Variants in LRRTM4 observed in about 807,000 individuals in gnomAD.
LRRTM4 encodes leucine-rich repeat transmembrane neuronal protein 4.
In LRRTM4, 25 loss-of-function variants were observed where a neutral mutation model predicts 47.6. The ratio of observed to expected loss-of-function variants is 0.53; its 90% CI spans 0.38 to 0.73. LRRTM4 has a LOEUF of 0.73. Among genes scored for constraint, LRRTM4 ranks in the 30% least tolerant of loss-of-function variants. The pLI is 0.00. For missense variants in LRRTM4, 638 were observed against 713.4 expected, an observed-to-expected ratio of 0.89 and a Z score of 1.20; for synonymous variants, 311 against 269.5, an observed-to-expected ratio of 1.15 and a Z score of -1.51.
chr2:77,038,095 C>T (rs1256441007), intron 3 of LRRTM4, among the ~76,000 whole-genome samples: 2 of 151,570 alleles, frequency 1.3e-5, no homozygotes, highest in Non-Finnish European at 3.0e-5. Context: ...TCTTTTCTTC[C>T]TAAATATTTA....
At chr2:76,886,594 C>A (rs1460107103) in intron 3 of LRRTM4, among the ~76,000 whole-genome samples, 1 of 151,612 alleles carries the variant, frequency 6.6e-6, no homozygotes, top group Admixed American at 6.6e-5. Context: ...AAAATCCAAG[C>A]GAAGAAATTG....
chr2:76,798,266 C>T (rs1675462477), intron 3 of LRRTM4, among the ~76,000 whole-genome samples: 1 of 152,054 alleles, frequency 6.6e-6, no homozygotes, highest in African/African-American at 2.4e-5. Context: ...GACCACAGTG[C>T]AATTAAAATA....
intron 3 of LRRTM4, among the ~76,000 whole-genome samples, chr2:76,836,245 T>G (rs2103914259): frequency 6.6e-6 from 1 of 152,096 alleles, no homozygotes; most frequent in South Asian, 2.1e-4. Context: ...TTGGTTGGAC[T>G]TTGGCCCAAT....
At chr2:77,220,810 A>G (rs963328038) in intron 3 of LRRTM4, among the ~76,000 whole-genome samples, 12 of 152,236 alleles carry the variant, frequency 7.9e-5, no homozygotes, top group African/African-American at 2.9e-4. Context: ...AACTTCCCCA[A>G]TCTAGCAAGG....
chr2:77,032,531 AT>A (rs1332765518), intron 3 of LRRTM4, among the ~76,000 whole-genome samples: 2 of 152,216 alleles, frequency 1.3e-5, no homozygotes, highest in East Asian at 1.9e-4. Context: ...AGTTCAATAT[AT>A]TTTTTGAATA....
chr2:77,202,694 CT>C (rs1346275728), intron 3 of LRRTM4, among the ~76,000 whole-genome samples: 1 of 151,722 alleles, frequency 6.6e-6, no homozygotes, highest in Non-Finnish European at 1.5e-5. Flanking sequence ...GTTATGTCAG[CT>C]TTTTGTATAA....
chr2:76,930,983 C>T (rs573375536), intron 3 of LRRTM4, among the ~76,000 whole-genome samples: 45 of 152,218 alleles, frequency 3.0e-4, no homozygotes, highest in Non-Finnish European at 6.5e-4. Context: ...GTTTATAAAA[C>T]TGTGTCAGCA....
At chr2:76,931,102 T>C (rs1420396809) in intron 3 of LRRTM4, among the ~76,000 whole-genome samples, 1 of 151,938 alleles carries the variant, frequency 6.6e-6, no homozygotes, top group Admixed American at 6.6e-5. Context: ...CATGGGATTA[T>C]GGAACAAAAG....
intron 3 of LRRTM4, among the ~76,000 whole-genome samples, chr2:77,173,258 T>C (rs931647888): frequency 3.3e-5 from 5 of 152,198 alleles, no homozygotes; most frequent in African/African-American, 1.2e-4. Context: ...TACAAATTAA[T>C]ATTGTTGAGT....
chr2:76,929,952 TG>T (rs1397856548), intron 3 of LRRTM4, among the ~76,000 whole-genome samples: 2 of 148,758 alleles, frequency 1.3e-5, no homozygotes, highest in Non-Finnish European at 2.9e-5. Flanking sequence ...TGTGTGTGTG[TG>T]TGTGTGTTTT....
chr2:77,144,313 C>T (rs1672200431), intron 3 of LRRTM4, among the ~76,000 whole-genome samples: 1 of 152,020 alleles, frequency 6.6e-6, no homozygotes, highest in Admixed American at 6.6e-5. Flanking sequence ...TTGCTAACCA[C>T]ACTCTTCACG....
intron 3 of LRRTM4, among the ~76,000 whole-genome samples, chr2:77,320,798 T>A (rs529771675): frequency 6.6e-6 from 1 of 152,062 alleles, no homozygotes; most frequent in African/African-American, 2.4e-5. Context: ...CTGGCATGAA[T>A]TAAAACAATA....
intron 3 of LRRTM4, among the ~76,000 whole-genome samples, chr2:77,218,325 T>C (rs1052896430): frequency 5.9e-5 from 9 of 152,082 alleles, no homozygotes; most frequent in Admixed American, 3.9e-4. Flanking sequence ...AAAAACCTAA[T>C]TGTTCAAAGT....
At chr2:77,277,985 T>TC (rs2104091061) in intron 3 of LRRTM4, among the ~76,000 whole-genome samples, 1 of 152,016 alleles carries the variant, frequency 6.6e-6, no homozygotes, top group Admixed American at 6.6e-5. Context: ...TCTCTGTCTC[T>TC]TTCTCTCTCT....
At chr2:77,244,928 G>T (rs11887390) in intron 3 of LRRTM4, among the ~76,000 whole-genome samples, 2 of 151,838 alleles carry the variant, frequency 1.3e-5, no homozygotes, top group Non-Finnish European at 2.9e-5. Flanking sequence ...TTTCCTGGTA[G>T]AGCCTTGATA....
chr2:77,169,209 G>A (rs1318615250), intron 3 of LRRTM4, among the ~76,000 whole-genome samples: 1 of 152,050 alleles, frequency 6.6e-6, no homozygotes, highest in African/African-American at 2.4e-5. Flanking sequence ...ATATAGTACT[G>A]GCAGTCCTAG....
At chr2:76,934,557 A>G (rs1167308005) in intron 3 of LRRTM4, among the ~76,000 whole-genome samples, 2 of 152,178 alleles carry the variant, frequency 1.3e-5, no homozygotes, top group Non-Finnish European at 2.9e-5. Context: ...AAAAATTTAA[A>G]AAGCCCTGAT....
At chr2:77,135,547 G>C (rs935904067) in intron 3 of LRRTM4, among the ~76,000 whole-genome samples, 1 of 152,172 alleles carries the variant, frequency 6.6e-6, no homozygotes, top group African/African-American at 2.4e-5. Context: ...AGGAGGATTT[G>C]ATCGAGAAAG....
intron 3 of LRRTM4, among the ~76,000 whole-genome samples, chr2:77,212,541 A>C (rs1457398440): frequency 6.7e-6 from 1 of 149,414 alleles, no homozygotes; most frequent in Non-Finnish European, 1.5e-5. Flanking sequence ...ATCATGAGTT[A>C]ATCTTGAGAA....
Sources: allele counts gnomAD v4.1 joint callset (sites outside exome capture counted in the v4.1 genomes callset), GRCh38; gene constraint gnomAD v4.1.1; transcripts MANE v1.5; gene names NCBI Gene and HGNC (gene_info 2026-07-23, HGNC 2026-07-21).